Variants in ZNF506 observed in about 807,000 individuals in gnomAD.
ZNF506 encodes the protein zinc finger protein 506.
A neutral mutation model predicts 11.6 loss-of-function variants in ZNF506; 10 were observed. The ratio of observed to expected loss-of-function variants is 0.86; its 90% CI spans 0.53 to 1.46. ZNF506 has a LOEUF of 1.46. Among genes scored for constraint, ZNF506 ranks in the 40% most tolerant of loss-of-function variants. The probability of loss-of-function intolerance (pLI) is 0.00; values close to 1 mark genes in which losing one functional copy is unlikely to be tolerated. For missense variants in ZNF506, 425 were observed against 521.2 expected (o/e 0.82, Z 1.80); for synonymous variants, 156 against 173.3 (o/e 0.90, Z 0.78).
Position 19,817,285 on chromosome 19 carries a change from C to T in ZNF506, c.3+4316G>A, listed in dbSNP as rs181218573. On this transcript the variant is annotated intron_variant, in intron 1 of 3. Coordinates refer to ENST00000540806, the MANE Select transcript of ZNF506 (RefSeq NM_001099269.3). ...TTTTTCACCCTCCATTTGCCATTCC[C>T]CTCCCACCTCCTTTCTAATCTTGTT... Among the ~76,000 whole-genome samples the T allele has an allele frequency of 2.4e-4, 37 of 152,234 alleles. No individual in the cohort carries two copies. The East Asian group carries it at 6.9e-3, about 29-fold the overall frequency.
intron 2 of ZNF506, among the ~76,000 whole-genome samples, chr19:19,806,739 C>T (rs2062838466): frequency 6.6e-6 from 1 of 152,242 alleles, no homozygotes; most frequent in African/African-American, 2.4e-5. Flanking sequence ...CACAGCTCAA[C>T]TCAGGAATGT....
At chr19:19,816,501 G>T (rs542199934) in intron 1 of ZNF506, among the ~76,000 whole-genome samples, 2 of 152,290 alleles carry the variant, frequency 1.3e-5, no homozygotes, top group Non-Finnish European at 2.9e-5. Flanking sequence ...GGGACTACAG[G>T]CACCTGCCAC....
intron 1 of ZNF506, among the ~76,000 whole-genome samples, chr19:19,816,810 CTTTTTTTTTTTTT>C (rs34297481): frequency 1.1e-4 from 9 of 80,260 alleles, no homozygotes; most frequent in Middle Eastern, 6.9e-3. Context: ...AAAATATTTC[CTTTTTTTTTTTTT>C]TTTTTTTTTT....
chr19:19,813,466 G>A (rs2062900053), intron 1 of ZNF506, among the ~76,000 whole-genome samples: 12 of 152,122 alleles, frequency 7.9e-5, no homozygotes, highest in Non-Finnish European at 1.5e-5. Flanking sequence ...GTGTAAATTA[G>A]TTCAACAACT....
At position 19,794,222 on chromosome 19, in the gene ZNF506, A is replaced by ATTCTC; in HGVS notation, c.*329_*330insGAGAA. ...CTACTCGGGAGGCTGAGGCAGGAGA[A>ATTCTC]TGGCTTGATACCAGGAGGCAGAAGT... On this transcript the variant is annotated 3_prime_UTR_variant, in exon 4 of 4. Transcript: ENST00000540806. The ATTCTC allele has an allele frequency of 5.3e-6, 1 of 187,680 alleles. No homozygotes were observed. The highest frequency in any genetic ancestry group is 5.4e-5 in the Admixed American group (1 of 18,576). The allele number at this position is 187,680 out of a possible 1,614,324, so 11.6% of individuals were successfully genotyped here.
At chr19:19,817,659 G>C (rs934066384) in intron 1 of ZNF506, among the ~76,000 whole-genome samples, 4 of 151,948 alleles carry the variant, frequency 2.6e-5, no homozygotes, top group Non-Finnish European at 5.9e-5. Context: ...GAACTAACTG[G>C]GCCTTTAATA....
intron 1 of ZNF506, among the ~76,000 whole-genome samples, chr19:19,819,513 C>T (rs2062954533): frequency 6.6e-6 from 1 of 152,124 alleles, no homozygotes; most frequent in East Asian, 1.9e-4. Context: ...AGTCACTAGA[C>T]ACTCTAGCAG....
chr19:19,797,956 T>C (rs1233952176), intron 3 of ZNF506: 2 of 152,182 alleles, frequency 1.3e-5, no homozygotes, highest in African/African-American at 4.8e-5. Context: ...TGAGAAAGTA[T>C]ATTGGCACTG....
Position 19,792,875 on chromosome 19 carries a change from C to T in ZNF506, c.*1677G>A, listed in dbSNP as rs1033234170. On this transcript the variant is annotated 3_prime_UTR_variant, in exon 4 of 4. Transcript: ENST00000540806. Reference sequence around the variant, plus strand: ...AGGATTATACAAATGAGAACCCCCACCTTATACATTACTTAATATAAGTTA... The same window carrying T: ...AGGATTATACAAATGAGAACCCCCATCTTATACATTACTTAATATAAGTTA... Among the ~76,000 whole-genome samples, 2 of 151,628 alleles carry T rather than the reference C, an allele frequency of 1.3e-5. No individual in the cohort carries two copies. Among genetic ancestry groups the T allele is most frequent in the African/African-American group, 2.4e-5 (1 of 40,948 alleles).
chr19:19,802,545 G>A (rs2062804073), intron 3 of ZNF506, among the ~76,000 whole-genome samples: 1 of 152,096 alleles, frequency 6.6e-6, no homozygotes, highest in African/African-American at 2.4e-5. Flanking sequence ...CAAGTATTAG[G>A]AAATAAACTA....
intron 1 of ZNF506, among the ~76,000 whole-genome samples, chr19:19,807,440 T>G (rs746903020): frequency 6.6e-6 from 1 of 152,188 alleles, no homozygotes; most frequent in Non-Finnish European, 1.5e-5. Flanking sequence ...TTTTAATATG[T>G]ACAATAAGCT....
chr19:19,808,843 C>CAAAAAAAAAA (rs35282430), intron 1 of ZNF506, among the ~76,000 whole-genome samples: 3 of 82,714 alleles, frequency 3.6e-5, no homozygotes, highest in African/African-American at 9.1e-5. Flanking sequence ...GACTCTGTCT[C>CAAAAAAAAAA]AAAAAAAAAA....
chr19:19,808,155 G>A lies in ZNF506; in HGVS notation c.4-1087C>T, dbSNP rs191187158. 7.2e-3 allele frequency among the ~76,000 whole-genome samples: 785 copies of A among 108,414 alleles called. 14 individuals carry two copies. The highest frequency in any genetic ancestry group is 0.027 in the African/African-American group (728 of 26,770). 71.1% of individuals were successfully genotyped at this position (108,414 alleles called of 152,430 possible). A position where few individuals can be genotyped will look rare whatever the true frequency, so the allele number is the denominator to read the frequency against. On this transcript the variant is annotated intron_variant, in intron 1 of 3. Coordinates refer to ENST00000540806, the MANE Select transcript of ZNF506 (RefSeq NM_001099269.3). ...TTTTTTTTTTTTGAGACGGAGTCTC[G>A]CTAGGTCGCCCAGGCCGGAGTGCAG...
intron 1 of ZNF506, among the ~76,000 whole-genome samples, chr19:19,818,617 G>T (rs2062949811): frequency 6.6e-6 from 1 of 152,160 alleles, no homozygotes; most frequent in Non-Finnish European, 1.5e-5. Context: ...AGAATGATTA[G>T]AAACTAATTT....
intron 1 of ZNF506, among the ~76,000 whole-genome samples, chr19:19,818,566 A>G (rs2062949575): frequency 6.6e-6 from 1 of 152,202 alleles, no homozygotes; most frequent in South Asian, 2.1e-4. Context: ...TCCTGAACTC[A>G]CTCTGGGAAA....
intron 3 of ZNF506, among the ~76,000 whole-genome samples, chr19:19,800,248 A>C (rs1425446208): frequency 6.6e-6 from 1 of 151,844 alleles, no homozygotes; most frequent in East Asian, 1.9e-4. Flanking sequence ...ATGCTTAGAA[A>C]CCGAAGAGTG....
chr19:19,807,665 C>T (rs1368360659), intron 1 of ZNF506, among the ~76,000 whole-genome samples: 6 of 152,072 alleles, frequency 3.9e-5, no homozygotes, highest in Admixed American at 3.9e-4. Flanking sequence ...CCACCATGCC[C>T]AGCTAATTTT....
chr19:19,819,382 A>G (rs1229348846), intron 1 of ZNF506, among the ~76,000 whole-genome samples: 5 of 152,094 alleles, frequency 3.3e-5, no homozygotes, highest in African/African-American at 1.2e-4. Flanking sequence ...TTTTCAAAAA[A>G]AAAAAAGAAA....
chr19:19,805,297 T>C (rs2062827231), intron 3 of ZNF506, among the ~76,000 whole-genome samples: 1 of 151,928 alleles, frequency 6.6e-6, no homozygotes, highest in African/African-American at 2.4e-5. Context: ...AAAAAAAGAA[T>C]GAAACAATTG....
Sources: allele counts gnomAD v4.1 joint callset (sites outside exome capture counted in the v4.1 genomes callset), GRCh38; gene constraint gnomAD v4.1.1; transcripts MANE v1.5; gene names NCBI Gene and HGNC (gene_info 2026-07-23, HGNC 2026-07-21).